The following ATG16L2 variants were observed in gnomAD, a reference collection of about 807,000 sequenced individuals.
The protein encoded by ATG16L2 is protein Atg16l2.
In ATG16L2, 77 loss-of-function variants were observed where a neutral mutation model predicts 84.7. The ratio of observed to expected loss-of-function variants is 0.91; its 90% CI spans 0.76 to 1.10. The LOEUF is 1.10. ATG16L2 is among the 50% of genes least tolerant of loss of function. The pLI is 0.00. For synonymous variants in ATG16L2, 361 were observed against 342.8 expected (o/e 1.05, Z -0.59); for missense variants, 782 against 817.6 (o/e 0.96, Z 0.53).
exon 6 of ATG16L2, chr11:72,842,909 A>G: frequency 8.4e-7 from 1 of 1,190,328 alleles, no homozygotes; most frequent in Admixed American, 2.0e-5. Context: ...AACCACCCCT[A>G]TGCTCACATG....
chr11:72,832,231 C>T (rs1004997673), downstream of ATG16L2, among the ~76,000 whole-genome samples: 1 of 152,228 alleles, frequency 6.6e-6, no homozygotes, highest in African/African-American at 2.4e-5. Context: ...TGACTGATCT[C>T]TGGGACAGTG....
Position 72,822,851 on chromosome 11 carries a change from C to T in ATG16L2, c.714C>T (p.Gly238=), listed in dbSNP as rs762784721. ...AAKRTVSISE[G]PDTLGDGMRE... ...TGAACTTCATTACCTCTCCTAGGGG[C>T]CCGGACACCCTAGGCGATGGGATGA... Residue 238 remains glycine, a synonymous_variant, in exon 7 of 18, where the codon GGC becomes GGT. Transcript: ENST00000321297. The surrounding 1 kb of genome is among the most constrained non-coding windows in gnomAD (Gnocchi z 4.2). The T allele has an allele frequency of 2.4e-5, 37 of 1,555,160 alleles. No individual in the cohort carries two copies. The highest frequency in any genetic ancestry group is 3.0e-5 in the Non-Finnish European group (35 of 1,148,768).
intron 5 of ATG16L2, among the ~76,000 whole-genome samples, chr11:72,841,897 A>C (rs1860965725): frequency 6.6e-6 from 1 of 152,236 alleles, no homozygotes. Context: ...AACTTAGCAA[A>C]GAACAACAAC....
At chr11:72,833,127 G>A (rs573734222), downstream of ATG16L2, among the ~76,000 whole-genome samples, 1 of 152,316 alleles carries the variant, frequency 6.6e-6, no homozygotes, top group African/African-American at 2.4e-5. Flanking sequence ...GTCTGCTGTT[G>A]CGCTGAGTGT....
chr11:72,843,137 GTTTCAGTC>G lies in ATG16L2; in HGVS notation c.*546_*553del, dbSNP rs759357590. On this transcript the variant is annotated 3_prime_UTR_variant, in exon 6 of 6. Coordinates refer to the ATG16L2 transcript ENST00000534905. ...AACGTGACCAAATAAAGAGTGCCTT[GTTTCAGTC>G]TTTACCACTGGCATCTCCGTTGAGG... is the stretch of plus-strand genomic sequence containing the variant. 64 of 1,613,234 alleles carry G rather than the reference GTTTCAGTC, an allele frequency of 4.0e-5. No homozygotes were observed. In the East Asian group the frequency reaches 1.4e-3, roughly 34 times the overall value.
rs373921854 is a variant in ATG16L2 at position 72,838,893 on chromosome 11, C to T, written c.*22-3724C>T. On this transcript the variant is annotated intron_variant, in intron 5 of 5. Transcript: ENST00000534905. ...CCCGGACCTGAGCAGGAAACAATTA[C>T]GTAGTTTGTCAGTCAGTTCCTGACT... is the stretch of plus-strand genomic sequence containing the variant. 183 of 1,593,750 alleles carry T rather than the reference C, an allele frequency of 1.1e-4. 1 individual carries two copies. Among genetic ancestry groups the T allele is most frequent in the Non-Finnish European group, 1.3e-4 (157 of 1,169,776 alleles).
At chr11:72,825,523 C>T in intron 10 of ATG16L2, 116 bp downstream of exon 10, 1 of 792,608 alleles carries the variant, frequency 1.3e-6, no homozygotes, top group African/African-American at 1.7e-5. Flanking sequence ...CTGGAATATT[C>T]TGTGGGCAGT....
intron 14 of ATG16L2, among the ~76,000 whole-genome samples, chr11:72,827,907 T>A (rs575361579): frequency 6.6e-6 from 1 of 152,310 alleles, no homozygotes; most frequent in South Asian, 2.1e-4. Context: ...CCGTCCAGCC[T>A]GGGCGACAGA....
rs752362895 is a variant in ATG16L2, at chr11:72,828,850, C to A, written c.1671-33C>A. 1.2e-5 allele frequency: 19 copies of A among 1,613,892 alleles called. No individual in the cohort carries two copies. The Admixed American group carries it at 2.0e-4, about 17-fold the overall frequency. On this transcript the variant is annotated intron_variant, in intron 16 of 17. Coordinates refer to ENST00000321297, the MANE Select transcript of ATG16L2 (RefSeq NM_033388.2). ...CCTGTGTGTGCCCTCCCCTCTGACC[C>A]CCCGTTTTCTTGCTCTGCTGTGGCC... is the stretch of plus-strand genomic sequence containing the variant.
At chr11:72,825,010 T>C (rs1482442320) in intron 9 of ATG16L2, among the ~76,000 whole-genome samples, 168 bp downstream of exon 9, 1 of 151,800 alleles carries the variant, frequency 6.6e-6, no homozygotes, top group African/African-American at 2.4e-5. Context: ...CACTCAAGCA[T>C]GTTATGATGT....
intron 7 of ATG16L2, 120 bp from the exon 8 acceptor site, chr11:72,823,940 T>C: frequency 2.7e-6 from 3 of 1,128,146 alleles, no homozygotes; most frequent in Non-Finnish European, 4.1e-6. Context: ...AGTCAAGTTC[T>C]TATCCCAGAC....
At chr11:72,821,881 C>T (rs1055907841) in intron 4 of ATG16L2, 140 bp downstream of exon 4, 2 of 1,420,690 alleles carry the variant, frequency 1.4e-6, no homozygotes, top group Middle Eastern at 2.5e-4. Flanking sequence ...GCCAGAGGAC[C>T]GAACGGCTGG....
In ATG16L2 at chr11:72,824,872, G is replaced by C. The variant is rs1472629231; in HGVS notation, c.996+30G>C. 4 of 1,546,052 alleles carry C rather than the reference G, an allele frequency of 2.6e-6. No homozygotes were observed. In the African/African-American group the frequency reaches 5.5e-5, roughly 21 times the overall value. ...GGGAGGAGCTGAGCCACATGGGTGG[G>C]GCAGTGGTGAGAGAGTGCAGGCACA... On this transcript the variant is annotated intron_variant, in intron 9 of 17. Transcript: ENST00000321297.
chr11:72,842,753 G>C, exon 6 of ATG16L2: 1 of 1,613,860 alleles, frequency 6.2e-7, no homozygotes. Flanking sequence ...GGTTTTCTTT[G>C]TTCAAGATAC....
intron 2 of ATG16L2, 95 bp downstream of exon 2, chr11:72,816,922 A>G: frequency 1.1e-6 from 1 of 906,626 alleles, no homozygotes; most frequent in Non-Finnish European, 1.7e-6. Context: ...CTAGTGCCTC[A>G]TCAGCCCTTG....
chr11:72,834,236 G>A (rs1294925832), downstream of ATG16L2, among the ~76,000 whole-genome samples: 4 of 152,118 alleles, frequency 2.6e-5, no homozygotes, highest in Non-Finnish European at 4.4e-5. Context: ...AAATAAATGC[G>A]AAGATTCAGA....
chr11:72,823,490 T>A, intron 7 of ATG16L2: 1 of 365,390 alleles, frequency 2.7e-6, no homozygotes, highest in Middle Eastern at 3.8e-4. Context: ...GATTTGCCTG[T>A]CATTGAGGCT....
Position 72,825,408 on chromosome 11 carries a change from G to A in ATG16L2, c.1102+1G>A. 2 of 1,610,862 alleles carry A rather than the reference G, an allele frequency of 1.2e-6. No individual in the cohort carries two copies. The highest frequency in any genetic ancestry group is 1.7e-6 in the Non-Finnish European group (2 of 1,179,668). ...ATCCACCTCTGGAATGTTGTGGGAA[G>A]TAAGGAGCCCTCCCCTGCCGGCCAA... On this transcript the variant is annotated splice_donor_variant, in intron 10 of 17. Transcript: ENST00000321297. LOFTEE classifies it high-confidence loss of function.
intron 7 of ATG16L2, chr11:72,823,255 T>TG (rs1429716457): frequency 2.7e-6 from 1 of 374,082 alleles, no homozygotes; most frequent in Non-Finnish European, 5.0e-6. Flanking sequence ...AGAGAACCTG[T>TG]GGGCAAAGCC....
Sources: gnomAD v4.1 joint callset for allele counts (sites outside exome capture counted in the v4.1 genomes callset) on GRCh38, gnomAD v4.1.1 for gene constraint, Gnocchi (gnomAD v3.1) non-coding constraint, MANE v1.5 for transcripts, NCBI Gene and HGNC (gene_info 2026-07-23, HGNC 2026-07-21) for gene names.